The following GRM8 variants were observed in gnomAD, a reference collection of about 807,000 sequenced individuals.
GRM8 encodes the protein metabotropic glutamate receptor 8.
Under a neutral mutation model 87.2 loss-of-function variants are expected in GRM8, and 47 were observed. The ratio of observed to expected loss-of-function variants is 0.54; its 90% CI spans 0.43 to 0.69. The LOEUF is 0.69. GRM8 is among the 30% of genes least tolerant of loss of function. The probability of loss-of-function intolerance (pLI) is 0.00; values close to 1 mark genes in which losing one functional copy is unlikely to be tolerated. For missense variants in GRM8, 1,019 were observed against 1,139.2 expected, an observed-to-expected ratio of 0.89 and a Z score of 1.52; for synonymous variants, 396 against 404.5, an observed-to-expected ratio of 0.98 and a Z score of 0.25.
chr7:126,963,013 C>A (rs1268204735), intron 3 of GRM8, among the ~76,000 whole-genome samples: 1 of 152,210 alleles, frequency 6.6e-6, no homozygotes, highest in Non-Finnish European at 1.5e-5. Flanking sequence ...ATATACATTA[C>A]CTGTGTTTAC....
chr7:126,572,999 C>T (rs1400766127), intron 8 of GRM8, among the ~76,000 whole-genome samples: 4 of 152,030 alleles, frequency 2.6e-5, no homozygotes, highest in Non-Finnish European at 4.4e-5. Context: ...TTTTTTAAAT[C>T]TAAATATAAA....
At chr7:126,588,180 A>G (rs1796342140) in intron 8 of GRM8, among the ~76,000 whole-genome samples, 1 of 152,222 alleles carries the variant, frequency 6.6e-6, no homozygotes, top group Non-Finnish European at 1.5e-5. Context: ...AGAACTAGTT[A>G]CAGGCAAGTC....
chr7:127,113,246 G>C (rs1279760647), intron 2 of GRM8, among the ~76,000 whole-genome samples: 1 of 152,072 alleles, frequency 6.6e-6, no homozygotes, highest in Non-Finnish European at 1.5e-5. Flanking sequence ...TTTTTCATCT[G>C]TTCACCACAG....
chr7:126,706,805 A>C (rs1334858792), intron 7 of GRM8, among the ~76,000 whole-genome samples: 1 of 152,200 alleles, frequency 6.6e-6, no homozygotes, highest in Non-Finnish European at 1.5e-5. Flanking sequence ...GTCTGGTTTC[A>C]AAAAGCATTA....
chr7:127,100,919 C>T (rs1825182776), intron 3 of GRM8, among the ~76,000 whole-genome samples: 1 of 152,210 alleles, frequency 6.6e-6, no homozygotes, highest in Non-Finnish European at 1.5e-5. Flanking sequence ...CCTTTCCATA[C>T]TCAACCATCA....
At chr7:126,643,153 G>C (rs1373569832) in intron 7 of GRM8, among the ~76,000 whole-genome samples, 1 of 151,232 alleles carries the variant, frequency 6.6e-6, no homozygotes, top group East Asian at 1.9e-4. Context: ...GGCTGGGCAT[G>C]GTGAAGCATG....
intron 7 of GRM8, among the ~76,000 whole-genome samples, chr7:126,710,738 T>C (rs1408220846): frequency 6.6e-6 from 1 of 152,260 alleles, no homozygotes; most frequent in African/African-American, 2.4e-5. Flanking sequence ...CTTCTGTTAA[T>C]GTTTATATTT....
At chr7:127,198,929 C>T (rs1036100080) in intron 2 of GRM8, among the ~76,000 whole-genome samples, 15 of 151,662 alleles carry the variant, frequency 9.9e-5, no homozygotes, top group Non-Finnish European at 1.0e-4. Context: ...CAACCTTCGC[C>T]TCCCAAGTTC....
At chr7:126,864,849 G>A (rs1259573933) in intron 6 of GRM8, among the ~76,000 whole-genome samples, 1 of 151,980 alleles carries the variant, frequency 6.6e-6, no homozygotes, top group East Asian at 1.9e-4. Flanking sequence ...GGTCTCTTCT[G>A]CTGGGACCCC....
chr7:126,560,614 T>C (rs1411297348), intron 8 of GRM8, among the ~76,000 whole-genome samples: 1 of 152,172 alleles, frequency 6.6e-6, no homozygotes, highest in African/African-American at 2.4e-5. Context: ...AAATAGGCCT[T>C]ATATAATAAA....
intron 9 of GRM8, among the ~76,000 whole-genome samples, chr7:126,496,602 C>T (rs917541023): frequency 6.6e-6 from 1 of 151,546 alleles, no homozygotes; most frequent in Non-Finnish European, 1.5e-5. Context: ...TGTTTTTTGC[C>T]ATCGTTTTTT....
intron 9 of GRM8, among the ~76,000 whole-genome samples, chr7:126,473,271 T>C (rs1156576616): frequency 1.3e-5 from 2 of 152,128 alleles, no homozygotes; most frequent in African/African-American, 4.8e-5. Context: ...TGCAAAGCCA[T>C]AGGGACAAAA....
intron 3 of GRM8, among the ~76,000 whole-genome samples, chr7:127,023,338 C>A (rs1434025887): frequency 6.6e-6 from 1 of 151,856 alleles, no homozygotes; most frequent in African/African-American, 2.4e-5. Flanking sequence ...ATAAAATGTT[C>A]TTTATTCATC....
chr7:127,203,079 T>C (rs1350642675), intron 2 of GRM8, among the ~76,000 whole-genome samples: 1 of 152,228 alleles, frequency 6.6e-6, no homozygotes, highest in African/African-American at 2.4e-5. Context: ...GAGAACATGG[T>C]TGAATCCATA....
chr7:126,694,145 ATAGT>A (rs1424646326), intron 7 of GRM8, among the ~76,000 whole-genome samples: 2 of 148,916 alleles, frequency 1.3e-5, no homozygotes, highest in African/African-American at 4.9e-5. Flanking sequence ...CTAAATATAA[ATAGT>A]TAGGTCTATT....
intron 3 of GRM8, among the ~76,000 whole-genome samples, chr7:126,996,152 C>T (rs1193359769): frequency 1.3e-5 from 2 of 152,066 alleles, no homozygotes; most frequent in African/African-American, 4.8e-5. Context: ...CCTAGACAAA[C>T]AAAAGCTGAA....
intron 7 of GRM8, among the ~76,000 whole-genome samples, chr7:126,762,985 C>T (rs2151581636): frequency 6.6e-6 from 1 of 151,832 alleles, no homozygotes. Flanking sequence ...TGAGACTTAA[C>T]ATTTTTTTCA....
chr7:126,692,855 C>A lies in GRM8; in HGVS notation c.1357+77010G>T, dbSNP rs886705090. Among the ~76,000 whole-genome samples the A allele has an allele frequency of 3.3e-5, 5 of 152,280 alleles. No individual in the cohort carries two copies. The South Asian group carries it at 6.2e-4, about 19-fold the overall frequency. On this transcript the variant is annotated intron_variant, in intron 7 of 10. Transcript: ENST00000339582. ...AAATCCTGAAAGAGTAAAATAATCA[C>A]CTTCCAAATATCAATCTTGTAAAAC...
At chr7:126,553,674 C>T (rs1792834956) in intron 8 of GRM8, among the ~76,000 whole-genome samples, 2 of 152,112 alleles carry the variant, frequency 1.3e-5, no homozygotes, top group African/African-American at 4.8e-5. Flanking sequence ...GTAATCTGAA[C>T]TTAGACTCAG....
Sources: gnomAD v4.1 joint callset for allele counts (sites outside exome capture counted in the v4.1 genomes callset) on GRCh38, gnomAD v4.1.1 for gene constraint, MANE v1.5 for transcripts, NCBI Gene and HGNC (gene_info 2026-07-23, HGNC 2026-07-21) for gene names.